STAG1: variants seen among roughly 807,000 people sequenced by gnomAD.
The protein encoded by STAG1 is STAG1 cohesin complex component.
In STAG1, 26 loss-of-function variants were observed where a neutral mutation model predicts 170.9. That is an observed-to-expected ratio of 0.15 (90% CI 0.11 to 0.21). The LOEUF is 0.21. Among genes scored for constraint, STAG1 ranks in the 10% least tolerant of loss-of-function variants. STAG1 has a pLI of 1.00. For synonymous variants in STAG1, 514 were observed against 497.7 expected, an observed-to-expected ratio of 1.03 and a Z score of -0.44; for missense variants, 964 against 1,509.5, an observed-to-expected ratio of 0.64 and a Z score of 5.99.
intron 1 of STAG1, among the ~76,000 whole-genome samples, chr3:136,702,992 C>A (rs1200371692): frequency 6.7e-6 from 1 of 148,778 alleles, no homozygotes; most frequent in African/African-American, 2.5e-5. Context: ...CATTTGAACC[C>A]GGGAGGCACA....
rs141704377 is a variant in STAG1 at position 136,596,218 on chromosome 3, T to G, written c.297+8091A>C. Among the ~76,000 whole-genome samples, 1,332 of 152,324 alleles carry G rather than the reference T, an allele frequency of 8.7e-3. 8 individuals carry two copies. Among genetic ancestry groups the G allele is most frequent in the Middle Eastern group, 0.027 (8 of 294 alleles). On this transcript the variant is annotated intron_variant, in intron 4 of 33. Transcript: ENST00000383202. ...CAGCATTGCATGCTACAGAGAAATCTTTCATGAAAGGAAGAGTCAACTGAT... is the reference window on the plus strand; with the variant it reads ...CAGCATTGCATGCTACAGAGAAATCGTTCATGAAAGGAAGAGTCAACTGAT...
intron 21 of STAG1, among the ~76,000 whole-genome samples, chr3:136,411,344 A>G (rs1402404122): frequency 4.6e-5 from 7 of 152,164 alleles, no homozygotes; most frequent in Non-Finnish European, 4.4e-5. Flanking sequence ...AAAATAAAAA[A>G]TTATTTTTCT....
chr3:136,549,311 C>A (rs1471634663), intron 5 of STAG1, among the ~76,000 whole-genome samples: 2 of 151,858 alleles, frequency 1.3e-5, no homozygotes, highest in Non-Finnish European at 1.5e-5. Flanking sequence ...AATCAGTTTT[C>A]CTTTTTTTTT....
intron 1 of STAG1, among the ~76,000 whole-genome samples, chr3:136,637,583 T>G (rs1940619725): frequency 6.6e-6 from 1 of 152,158 alleles, no homozygotes; most frequent in Admixed American, 6.5e-5. Context: ...TAAGAGTAAT[T>G]TAAGAGTTTC....
chr3:136,395,511 C>T (rs990922431), intron 22 of STAG1, among the ~76,000 whole-genome samples: 3 of 152,036 alleles, frequency 2.0e-5, no homozygotes, highest in Non-Finnish European at 2.9e-5. Context: ...ATCCCAGCTA[C>T]CCTGGAGGCT....
At chr3:136,633,957 C>T (rs151255307) in intron 1 of STAG1, among the ~76,000 whole-genome samples, 1 of 38,190 alleles carries the variant, frequency 2.6e-5, no homozygotes, top group Admixed American at 4.6e-4. Flanking sequence ...AACCCTGTCT[C>T]TACTTAAAAA....
At chr3:136,655,317 CAA>C (rs1048544979) in intron 1 of STAG1, among the ~76,000 whole-genome samples, 22 of 152,248 alleles carry the variant, frequency 1.4e-4, no homozygotes, top group Admixed American at 3.9e-4. Flanking sequence ...CACAAATGGG[CAA>C]AGAGATTGAA....
At chr3:136,692,531 A>C (rs1270424702) in intron 1 of STAG1, among the ~76,000 whole-genome samples, 2 of 152,070 alleles carry the variant, frequency 1.3e-5, no homozygotes, top group Non-Finnish European at 2.9e-5. Context: ...GCTACTCAAG[A>C]GGCTGAGGCA....
At chr3:136,356,410 C>T (rs1389162778) in intron 28 of STAG1, among the ~76,000 whole-genome samples, 1 of 152,100 alleles carries the variant, frequency 6.6e-6, no homozygotes, top group Admixed American at 6.6e-5. Context: ...CACAGGCTCC[C>T]CAGGCTGTCA....
intron 28 of STAG1, among the ~76,000 whole-genome samples, chr3:136,354,080 T>C (rs1391825276): frequency 2.0e-5 from 3 of 152,204 alleles, no homozygotes; most frequent in Non-Finnish European, 2.9e-5. Flanking sequence ...AAGATTAATA[T>C]AACAAACTCT....
intron 5 of STAG1, among the ~76,000 whole-genome samples, chr3:136,552,199 A>G (rs977578701): frequency 1.3e-5 from 2 of 152,230 alleles, no homozygotes; most frequent in Non-Finnish European, 2.9e-5. Flanking sequence ...TGAAAGCAGA[A>G]ATTACATTAC....
At chr3:136,420,179 G>A (rs781112634) in intron 20 of STAG1, among the ~76,000 whole-genome samples, 8 of 150,476 alleles carry the variant, frequency 5.3e-5, no homozygotes, top group Non-Finnish European at 8.9e-5. Flanking sequence ...CCTGGAAGGC[G>A]GCAGTTGCAG....
At chr3:136,590,965 C>T (rs921798174) in intron 4 of STAG1, among the ~76,000 whole-genome samples, 1 of 151,580 alleles carries the variant, frequency 6.6e-6, no homozygotes, top group African/African-American at 2.4e-5. Flanking sequence ...CCCAGAAAAG[C>T]TGTATTGGTT....
At chr3:136,608,446 G>C (rs554469090) in intron 3 of STAG1, among the ~76,000 whole-genome samples, 1 of 150,870 alleles carries the variant, frequency 6.6e-6, no homozygotes, top group Non-Finnish European at 1.5e-5. Context: ...TGGGATAATC[G>C]ATTGAGCCGG....
At chr3:136,413,003 C>T (rs1028962446) in intron 21 of STAG1, among the ~76,000 whole-genome samples, 2 of 151,176 alleles carry the variant, frequency 1.3e-5, no homozygotes, top group African/African-American at 4.9e-5. Context: ...GCTGGGATTA[C>T]AGGGACGTGC....
At chr3:136,359,087 G>T in intron 27 of STAG1, 61 bp downstream of exon 27, 3 of 1,388,292 alleles carry the variant, frequency 2.2e-6, no homozygotes, top group Non-Finnish European at 2.9e-6. Context: ...TCATATAAGA[G>T]TTATTTCATT....
intron 26 of STAG1, among the ~76,000 whole-genome samples, chr3:136,362,199 T>C (rs1238637485): frequency 6.6e-6 from 1 of 151,820 alleles, no homozygotes; most frequent in Admixed American, 6.6e-5. Flanking sequence ...CCTCAGGTGA[T>C]CTACCCGCCT....
At chr3:136,728,092 G>A (rs1933790694) in intron 1 of STAG1, among the ~76,000 whole-genome samples, 1 of 152,062 alleles carries the variant, frequency 6.6e-6, no homozygotes, top group Non-Finnish European at 1.5e-5. Context: ...CTGGGAGGCG[G>A]AGGTTGCAGT....
In STAG1 at chr3:136,524,565, C is replaced by T. The variant is rs568012599; in HGVS notation, c.472-3148G>A. 2.7e-4 allele frequency among the ~76,000 whole-genome samples: 41 copies of T among 152,156 alleles called. No individual in the cohort carries two copies. In the East Asian group the frequency reaches 4.1e-3, roughly 15 times the overall value. On this transcript the variant is annotated intron_variant, in intron 6 of 33. Coordinates refer to ENST00000383202, the MANE Select transcript of STAG1 (RefSeq NM_005862.3). ...AACAGGGACAATTTGACTTCCTCTT[C>T]TCCTAATTGAATACCCTTTATTTCT...
Sources: gnomAD v4.1 joint callset for allele counts (sites outside exome capture counted in the v4.1 genomes callset) on GRCh38, gnomAD v4.1.1 for gene constraint, MANE v1.5 for transcripts, NCBI Gene and HGNC (gene_info 2026-07-23, HGNC 2026-07-21) for gene names.